AHI1: variants seen among roughly 807,000 people sequenced by gnomAD.
AHI1 encodes jouberin.
A neutral mutation model predicts 149.3 loss-of-function variants in AHI1; 123 were observed. The observed-to-expected ratio is 0.82, with a 90% confidence interval of 0.71 to 0.96. The LOEUF is 0.96. AHI1 is among the 40% of genes least tolerant of loss of function. The pLI, the probability that AHI1 is intolerant of heterozygous loss-of-function variation, is 0.00. For synonymous variants in AHI1, 475 were observed against 459.8 expected (o/e 1.03, Z -0.42); for missense variants, 1,439 against 1,422.7 (o/e 1.01, Z -0.18).
chr6:135,377,236 A>T (rs1776082848), intron 23 of AHI1, among the ~76,000 whole-genome samples: 1 of 152,144 alleles, frequency 6.6e-6, no homozygotes, highest in South Asian at 2.1e-4. Flanking sequence ...ATGCAAATTT[A>T]GGGGTTTTAT....
At chr6:135,416,442 T>C (rs911891876) in intron 20 of AHI1, among the ~76,000 whole-genome samples, 3 of 151,984 alleles carry the variant, frequency 2.0e-5, no homozygotes, top group Non-Finnish European at 2.9e-5. Context: ...GGGTAGTTAG[T>C]GTGTACTGAA....
intron 20 of AHI1, among the ~76,000 whole-genome samples, chr6:135,425,875 T>TA (rs1363645529): frequency 1.3e-5 from 2 of 151,980 alleles, no homozygotes; most frequent in African/African-American, 2.4e-5. Flanking sequence ...TAAGAAAAGA[T>TA]AGAGTGCAAC....
chr6:135,418,044 G>T (rs968022019), intron 20 of AHI1, among the ~76,000 whole-genome samples: 1 of 151,744 alleles, frequency 6.6e-6, no homozygotes, highest in Non-Finnish European at 1.5e-5. Flanking sequence ...TCTTCATTTT[G>T]TCATTACTTT....
chr6:135,459,665 G>A (rs1481156252), intron 8 of AHI1, among the ~76,000 whole-genome samples: 1 of 149,948 alleles, frequency 6.7e-6, no homozygotes, highest in African/African-American at 2.5e-5. Context: ...CCTTTCAGAT[G>A]CTATAGAAAT....
At chr6:135,472,250 G>A (rs990061191) in intron 5 of AHI1, among the ~76,000 whole-genome samples, 1 of 151,982 alleles carries the variant, frequency 6.6e-6, no homozygotes, top group African/African-American at 2.4e-5. Flanking sequence ...CAATAGCTTT[G>A]CCTTGTCTAG....
intron 27 of AHI1, chr6:135,297,597 T>G (rs1219717140): frequency 4.5e-6 from 2 of 445,320 alleles, no homozygotes; most frequent in Non-Finnish European, 9.0e-6. Context: ...TAATGCTTCT[T>G]TAATATCTCT....
intron 15 of AHI1, among the ~76,000 whole-genome samples, chr6:135,433,862 T>C (rs1785004388): frequency 6.6e-6 from 1 of 152,036 alleles, no homozygotes; most frequent in Non-Finnish European, 1.5e-5. Flanking sequence ...ATTAAGCACG[T>C]TCTTTTTGTT....
At chr6:135,443,512 T>TA (rs1233166777) in intron 13 of AHI1, among the ~76,000 whole-genome samples, 1 of 152,198 alleles carries the variant, frequency 6.6e-6, no homozygotes. Flanking sequence ...ACAGCCACCC[T>TA]ATGAGTAGCT....
At chr6:135,491,720 G>C (rs1321326850) in intron 4 of AHI1, among the ~76,000 whole-genome samples, 1 of 152,208 alleles carries the variant, frequency 6.6e-6, no homozygotes, top group African/African-American at 2.4e-5. Flanking sequence ...GGGTGCTCTA[G>C]AGCAAGTGTC....
At chr6:135,371,917 T>C (rs561693297) in intron 23 of AHI1, among the ~76,000 whole-genome samples, 21 of 152,338 alleles carry the variant, frequency 1.4e-4, no homozygotes, top group African/African-American at 4.1e-4. Context: ...TCAGAGTTCA[T>C]TGAGGGCTTT....
At chr6:135,405,922 T>C (rs117943896) in intron 21 of AHI1, among the ~76,000 whole-genome samples, 6,643 of 148,078 alleles carry the variant, frequency 0.045, 257 homozygotes, top group South Asian at 0.14. Context: ...AATACTCAAG[T>C]CCAGTCCAAT....
intron 24 of AHI1, among the ~76,000 whole-genome samples, chr6:135,342,402 T>A (rs1790513413): frequency 6.6e-6 from 1 of 151,942 alleles, no homozygotes; most frequent in Non-Finnish European, 1.5e-5. Flanking sequence ...ATTTTCTAAT[T>A]CATTCCATGG....
At chr6:135,446,563 C>T (rs1017267982) in intron 13 of AHI1, among the ~76,000 whole-genome samples, 2 of 152,120 alleles carry the variant, frequency 1.3e-5, no homozygotes, top group Non-Finnish European at 2.9e-5. Context: ...CAGATTCGTG[C>T]CCTTATAAGA....
At chr6:135,300,829 A>AG (rs2128351478) in intron 26 of AHI1, 1 of 1,122,896 alleles carries the variant, frequency 8.9e-7, no homozygotes, top group African/African-American at 1.6e-5. Flanking sequence ...AAAAAAAAAA[A>AG]AAAAATCAGT....
chr6:135,364,018 C>T lies in AHI1; in HGVS notation c.3110-5831G>A, dbSNP rs1293120057. Among the ~76,000 whole-genome samples, 339 of 143,790 alleles carry T rather than the reference C, an allele frequency of 2.4e-3. 2 individuals are homozygous for T. Among genetic ancestry groups the T allele is most frequent in the African/African-American group, 7.2e-3 (280 of 38,626 alleles). 94.3% of individuals were successfully genotyped at this position (143,790 alleles called of 152,430 possible). On this transcript the variant is annotated intron_variant, in intron 23 of 28. Coordinates refer to ENST00000265602, the MANE Select transcript of AHI1 (RefSeq NM_001134831.2). ...CTCCTCACTTCCCAGTAGGGGCGGC[C>T]GGGCAGAGGCGCCCCTCACCTCCCG... is the stretch of plus-strand genomic sequence containing the variant.
At chr6:135,336,991 GTTATTT>G (rs1489520142) in intron 24 of AHI1, among the ~76,000 whole-genome samples, 5 of 152,152 alleles carry the variant, frequency 3.3e-5, no homozygotes, top group African/African-American at 9.6e-5. Flanking sequence ...TAAAATAACT[GTTATTT>G]TTAAGTTACA....
In AHI1 at chr6:135,490,675, C is replaced by G; in HGVS notation, c.83G>C (p.Arg28Pro). Residue 28 changes from arginine (R) to proline (P), a missense_variant, in exon 5 of 29, where the codon CGT (arginine) becomes CCT (proline). Arg to Pro is a moderately radical substitution (Grantham distance 103, BLOSUM62 -2). Coordinates refer to ENST00000265602, the MANE Select transcript of AHI1 (RefSeq NM_001134831.2). ...TTTTTTCTTCAGTTTTTTCTTTTCA[C>G]GCATTAGATCACTGTGGGTCTTAAG... is the stretch of plus-strand genomic sequence containing the variant. ...ELLKTHSDLM[R>P]EKKKLKKKLV... is the part of the protein sequence containing the mutation. 6.2e-7 allele frequency: 1 copy of G among 1,613,318 alleles called. No homozygotes were observed. The highest frequency in any genetic ancestry group is 2.2e-5 in the East Asian group (1 of 44,830).
Position 135,430,019 on chromosome 6 carries a change from ATAC to A in AHI1, c.2374-22_2374-20del, listed in dbSNP as rs1310052473. The A allele has an allele frequency of 7.4e-7, 1 of 1,344,780 alleles. No homozygotes were observed. Among genetic ancestry groups the A allele is most frequent in the Non-Finnish European group, 1.0e-6 (1 of 974,878 alleles). The allele number at this position is 1,344,780 out of a possible 1,614,324, so 83.3% of individuals were successfully genotyped here. A position where few individuals can be genotyped will look rare whatever the true frequency, so the allele number is the denominator to read the frequency against. Reference sequence around the variant, plus strand: ...TAATTTCCTAAAATGATTAAAAAAAATACTACTACTGAAAAGTTTGTCTAATGT... The same window carrying A: ...TAATTTCCTAAAATGATTAAAAAAAATACTACTGAAAAGTTTGTCTAATGT... On this transcript the variant is annotated intron_variant, in intron 17 of 28. Coordinates refer to ENST00000265602, the MANE Select transcript of AHI1 (RefSeq NM_001134831.2).
intron 23 of AHI1, among the ~76,000 whole-genome samples, chr6:135,386,584 A>T (rs1228734194): frequency 6.6e-6 from 1 of 152,020 alleles, no homozygotes; most frequent in Non-Finnish European, 1.5e-5. Context: ...TGCTGGGATT[A>T]CAGGTGTGAG....
Sources: gnomAD v4.1 joint callset for allele counts (sites outside exome capture counted in the v4.1 genomes callset) on GRCh38, gnomAD v4.1.1 for gene constraint, MANE v1.5 for transcripts, NCBI Gene and HGNC (gene_info 2026-07-23, HGNC 2026-07-21) for gene names.